Variants in TRMT1L observed in about 807,000 individuals in gnomAD.
The protein encoded by TRMT1L is tRNA methyltransferase 1L.
TRMT1L carries 28 observed loss-of-function variants against 81.6 expected under a neutral mutation model. That is an observed-to-expected ratio of 0.34 (90% confidence interval 0.25 to 0.47). The LOEUF (loss-of-function observed/expected upper bound fraction) is 0.47, where lower values mean the gene tolerates loss of function less well. Ranked by LOEUF, TRMT1L falls within the 20% of genes least tolerant of loss-of-function variation. TRMT1L has a pLI of 1.00. For missense variants in TRMT1L, 739 were observed against 877.1 expected, an observed-to-expected ratio of 0.84 and a Z score of 1.99; for synonymous variants, 301 against 303.2, an observed-to-expected ratio of 0.99 and a Z score of 0.07.
At chr1:185,149,726 C>T (rs370960998) in intron 3 of TRMT1L, among the ~76,000 whole-genome samples, 4 of 152,108 alleles carry the variant, frequency 2.6e-5, no homozygotes, top group South Asian at 2.1e-4. Flanking sequence ...CCCAAAAATG[C>T]TATAATAATT....
Position 185,136,530 on chromosome 1 carries a change from A to C in TRMT1L, c.1513+1076T>G, listed in dbSNP as rs557481181. ...TAAAGTACTTGCACAAATGAAAAGC[A>C]TATCATATTTGTAGGAAGCTTCAAA... On this transcript the variant is annotated intron_variant, in intron 10 of 14. Coordinates refer to ENST00000367506, the MANE Select transcript of TRMT1L (RefSeq NM_030934.5). Among the ~76,000 whole-genome samples the C allele has an allele frequency of 2.6e-5, 4 of 152,362 alleles. 1 individual carries two copies. In the East Asian group the frequency reaches 7.7e-4, roughly 29 times the overall value.
chr1:185,137,662 A>T lies in TRMT1L; in HGVS notation c.1457T>A (p.Ile486Asn), dbSNP rs1299122261. 1.9e-6 allele frequency: 3 copies of T among 1,614,038 alleles called. No homozygotes were observed. The highest frequency in any genetic ancestry group is 2.5e-6 in the Non-Finnish European group (3 of 1,180,018). The change falls in exon 10 of 15, where the codon ATC (isoleucine) becomes AAC (asparagine). Residue 486 changes from isoleucine (I) to asparagine (N), a missense_variant. Around this residue, in one of 4 missense-constraint regions of TRMT1L, gnomAD observed 331 missense variants for 462.2 expected, o/e 0.72. Transcript: ENST00000367506. Reference protein sequence around the residue: ...DETAKKIQYLIHCQWCEERIF... With the variant: ...DETAKKIQYLNHCQWCEERIF... ...TCTCTCTTCACACCACTGACAATGGATCAGGTATTGAATCTTCTTGGCTGT... is the reference window on the plus strand; with the variant it reads ...TCTCTCTTCACACCACTGACAATGGTTCAGGTATTGAATCTTCTTGGCTGT...
chr1:185,124,932 TCA>T lies in TRMT1L; in HGVS notation c.1759+10_1759+11del, dbSNP rs1310772582. The T allele has an allele frequency of 6.2e-7, 1 of 1,603,678 alleles. No individual in the cohort carries two copies. Among genetic ancestry groups the T allele is most frequent in the Admixed American group, 1.7e-5 (1 of 59,498 alleles). On this transcript the variant is annotated intron_variant, in intron 12 of 14. Coordinates refer to ENST00000367506, the MANE Select transcript of TRMT1L (RefSeq NM_030934.5). ...CAGTTTAAAGCTAGTAAGCTAGCGT[TCA>T]GTTAGTCACCTTGCTTGTTGACATT... is the stretch of plus-strand genomic sequence containing the variant.
intron 13 of TRMT1L, 28 bp downstream of exon 13, chr1:185,123,829 A>G (rs117052484): frequency 1.4e-6 from 2 of 1,396,636 alleles, no homozygotes; most frequent in Non-Finnish European, 1.9e-6. Flanking sequence ...TGATATGTAC[A>G]TATGTACACA....
At chr1:185,149,557 G>A (rs1653285547) in intron 3 of TRMT1L, among the ~76,000 whole-genome samples, 1 of 151,770 alleles carries the variant, frequency 6.6e-6, no homozygotes, top group African/African-American at 2.4e-5. Context: ...TCCTGCCTCA[G>A]CTTCCCAAAG....
At chr1:185,157,031 T>A (rs1165093698), upstream of TRMT1L, 5 of 339,420 alleles carry the variant, frequency 1.5e-5, no homozygotes, top group Middle Eastern at 8.6e-4. Flanking sequence ...CTACGGTGCG[T>A]CTCCGGCCCA....
At chr1:185,135,654 A>G (rs2102241073) in intron 10 of TRMT1L, among the ~76,000 whole-genome samples, 1 of 152,142 alleles carries the variant, frequency 6.6e-6, no homozygotes, top group East Asian at 1.9e-4. Context: ...CATAATTCCA[A>G]TACTAGTTAA....
Position 185,147,190 on chromosome 1 carries a change from C to T in TRMT1L, c.517G>A (p.Gly173Arg). The T allele has an allele frequency of 6.2e-7, 1 of 1,606,500 alleles. No homozygotes were observed. Among genetic ancestry groups the T allele is most frequent in the Non-Finnish European group, 8.5e-7 (1 of 1,174,868 alleles). The part of the protein sequence containing the change: ...PCRPVKPNII[G>R]EQITSKMGAH... Reference sequence around the variant, plus strand: ...ATCTAATATCTGATCACCTGTTCTCCAATAATGTTTGGTTTCACTGGTCGA... The same window carrying T: ...ATCTAATATCTGATCACCTGTTCTCTAATAATGTTTGGTTTCACTGGTCGA... The change falls in exon 4 of 15, where the codon GGA becomes AGA. Residue 173 changes from glycine to arginine, a missense_variant. Gly to Arg is a moderately radical substitution (Grantham distance 125, BLOSUM62 -2). Transcript: ENST00000367506.
intron 3 of TRMT1L, among the ~76,000 whole-genome samples, chr1:185,148,086 G>C (rs1309202018): frequency 1.3e-5 from 2 of 152,016 alleles, no homozygotes; most frequent in African/African-American, 4.8e-5. Context: ...ATGCTGAAGT[G>C]CTCCAAGATT....
rs1027362017 is a variant in TRMT1L, at chr1:185,153,539, C to T, written c.236-1604G>A. On this transcript the variant is annotated intron_variant, in intron 1 of 14. Transcript: ENST00000367506. Reference sequence around the variant, plus strand: ...GCACATCTGGTGACCTTTAAGAAAACAGGTTCAGGGAGGTGTTTCAGAGTA... The same window carrying T: ...GCACATCTGGTGACCTTTAAGAAAATAGGTTCAGGGAGGTGTTTCAGAGTA... Among the ~76,000 whole-genome samples, 5 of 152,050 alleles carry T rather than the reference C, an allele frequency of 3.3e-5. 1 individual carries two copies. The highest frequency in any genetic ancestry group is 1.2e-4 in the African/African-American group (5 of 41,404).
intron 10 of TRMT1L, among the ~76,000 whole-genome samples, chr1:185,133,998 G>A (rs1652836496): frequency 6.6e-6 from 1 of 152,136 alleles, no homozygotes; most frequent in Non-Finnish European, 1.5e-5. Flanking sequence ...AAGCATGCAT[G>A]TGACTCGATT....
chr1:185,140,504 CT>C (rs1267690860), intron 7 of TRMT1L, among the ~76,000 whole-genome samples: 1 of 151,870 alleles, frequency 6.6e-6, no homozygotes, highest in East Asian at 1.9e-4. Context: ...AAAATGTTTT[CT>C]TTTTTGCTTT....
intron 7 of TRMT1L, among the ~76,000 whole-genome samples, chr1:185,140,477 A>G (rs1407040869): frequency 6.6e-6 from 1 of 152,018 alleles, no homozygotes; most frequent in East Asian, 1.9e-4. Context: ...TATGCTTTTT[A>G]TTTTGTTGAA....
intron 12 of TRMT1L, among the ~76,000 whole-genome samples, chr1:185,124,525 C>T (rs1483879826): frequency 6.6e-6 from 1 of 151,630 alleles, no homozygotes; most frequent in South Asian, 2.1e-4. Context: ...TGGTGAGACC[C>T]CATCTCTAAA....
Position 185,156,789 on chromosome 1 carries a change from G to T in TRMT1L, c.-77C>A, listed in dbSNP as rs1253351090. 2 of 1,579,794 alleles carry T rather than the reference G, an allele frequency of 1.3e-6. No homozygotes were observed. The highest frequency in any genetic ancestry group is 3.7e-5 in the Admixed American group (2 of 54,568). On this transcript the variant is annotated 5_prime_UTR_variant, in exon 1 of 15. Coordinates refer to ENST00000367506, the MANE Select transcript of TRMT1L (RefSeq NM_030934.5). ...GCGGGGTCAGAGAACTGACGTGAAT[G>T]CCCACAGGGCTGGATCCAAGGAGTG...
At chr1:185,148,349 C>G (rs1653243294) in intron 3 of TRMT1L, among the ~76,000 whole-genome samples, 2 of 152,152 alleles carry the variant, frequency 1.3e-5, no homozygotes, top group African/African-American at 4.8e-5. Context: ...GCACTGTTCT[C>G]CAGCTCAGTA....
In TRMT1L at chr1:185,118,101, TTTTG is replaced by T. The variant is rs1159569351; in HGVS notation, c.*1914_*1917del. The T allele has an allele frequency of 1.3e-5, 2 of 152,228 alleles. No homozygotes were observed. The highest frequency in any genetic ancestry group is 4.8e-5 in the African/African-American group (2 of 41,460). The allele number at this position is 152,228 out of a possible 1,614,324, so 9.4% of individuals were successfully genotyped here. A position where few individuals can be genotyped will look rare whatever the true frequency, so the allele number is the denominator to read the frequency against. On this transcript the variant is annotated 3_prime_UTR_variant, in exon 15 of 15. Coordinates refer to ENST00000367506, the MANE Select transcript of TRMT1L (RefSeq NM_030934.5). ...ACACACTGGTTTCCTTAACTCGTTC[TTTTG>T]TTTATCAAGTTTTAATGAAAGGATA...
Position 185,124,988 on chromosome 1 carries a change from T to A in TRMT1L, c.1715A>T (p.Gln572Leu). 1 of 1,612,744 alleles carries A rather than the reference T, an allele frequency of 6.2e-7. No individual in the cohort carries two copies. The highest frequency in any genetic ancestry group is 1.1e-5 in the South Asian group (1 of 90,832). Residue 572 changes from glutamine to leucine, a missense_variant, in exon 12 of 15, where the codon CAA (glutamine) becomes CTA (leucine). Around this residue, in one of 4 missense-constraint regions of TRMT1L, gnomAD observed 196 missense variants for 232.6 expected, o/e 0.84. Coordinates refer to ENST00000367506, the MANE Select transcript of TRMT1L (RefSeq NM_030934.5). ...AGATGCATGAATTGAAAACTGACTT[T>A]GAGGCGTACACTCTGATTCAAAGAT... ...TLIFESECTP[Q>L]SQFSIHASSN... is the part of the protein sequence containing the mutation.
rs191568942 is a variant in TRMT1L, at chr1:185,145,679, T to C, written c.526-111A>G. The C allele has an allele frequency of 1.4e-3, 1,438 of 1,054,966 alleles. 2 individuals are homozygous for C. The highest frequency in any genetic ancestry group is 2.1e-3 in the Admixed American group (79 of 38,344). The allele number at this position is 1,054,966 out of a possible 1,614,324, so 65.4% of individuals were successfully genotyped here. A position where few individuals can be genotyped will look rare whatever the true frequency, so the allele number is the denominator to read the frequency against. On this transcript the variant is annotated intron_variant, in intron 4 of 14. Transcript: ENST00000367506. Reference sequence around the variant, plus strand: ...TTGGATTTAATGGTATAGAAGATAATTTTAATTTTGCCATGTGACTTTGAA... The same window carrying C: ...TTGGATTTAATGGTATAGAAGATAACTTTAATTTTGCCATGTGACTTTGAA...
Sources: gnomAD v4.1 joint callset for allele counts (sites outside exome capture counted in the v4.1 genomes callset) on GRCh38, gnomAD v4.1.1 for gene constraint, gnomAD v4.1.1 regional missense constraint, MANE v1.5 for transcripts, NCBI Gene and HGNC (gene_info 2026-07-23, HGNC 2026-07-21) for gene names.